Variants in GNE observed in about 807,000 individuals in gnomAD.
GNE encodes the protein bifunctional UDP-N-acetylglucosamine 2-epimerase/N-acetylmannosamine kinase.
In GNE, 41 loss-of-function variants were observed where a neutral mutation model predicts 61.8. That is an observed-to-expected ratio of 0.66 (90% confidence interval 0.52 to 0.86). The LOEUF (loss-of-function observed/expected upper bound fraction) is 0.86. Ranked by LOEUF, GNE falls within the 40% of genes least tolerant of loss-of-function variation. GNE has a pLI of 0.00. For synonymous variants in GNE, 264 were observed against 326.4 expected (o/e 0.81, Z 2.06); for missense variants, 608 against 909.1 (o/e 0.67, Z 4.26).
intron 2 of GNE, among the ~76,000 whole-genome samples, chr9:36,248,712 C>T (rs918162173): frequency 1.7e-4 from 26 of 152,172 alleles, no homozygotes; most frequent in Admixed American, 3.3e-4. Flanking sequence ...ATGTAACTCT[C>T]TACTTTACCT....
At chr9:36,253,117 G>A (rs1365247156) in intron 1 of GNE, among the ~76,000 whole-genome samples, 4 of 151,936 alleles carry the variant, frequency 2.6e-5, no homozygotes, top group African/African-American at 4.8e-5. Flanking sequence ...AGCCAAGATG[G>A]TGCCACTGCA....
intron 4 of GNE, among the ~76,000 whole-genome samples, chr9:36,235,001 G>A (rs1829332661): frequency 6.6e-6 from 1 of 152,070 alleles, no homozygotes; most frequent in African/African-American, 2.4e-5. Context: ...TCCCTTATTC[G>A]ACATGGTTGG....
chr9:36,233,273 G>A (rs1829250988), intron 5 of GNE, among the ~76,000 whole-genome samples: 1 of 152,154 alleles, frequency 6.6e-6, no homozygotes, highest in Non-Finnish European at 1.5e-5. Flanking sequence ...TGACTGAAGG[G>A]ATTCTACATT....
rs145566047 is a variant in GNE, at chr9:36,255,929, T to G, written c.-43+2392A>C. On this transcript the variant is annotated intron_variant, in intron 1 of 11. Transcript: ENST00000642385. The stretch of plus-strand genomic sequence containing the variant: ...AATCGCTGAAAAACCCAATTCTTGT[T>G]TGTTTTTGTTTTTGAGACAGGGTCT... 4.1e-4 allele frequency among the ~76,000 whole-genome samples: 62 copies of G among 152,262 alleles called. 1 individual carries two copies. Among genetic ancestry groups the G allele is most frequent in the African/African-American group, 1.5e-3 (62 of 41,548 alleles).
chr9:36,227,730 A>T (rs187118570), intron 6 of GNE, among the ~76,000 whole-genome samples: 124 of 152,236 alleles, frequency 8.1e-4, no homozygotes, highest in African/African-American at 2.9e-3. Flanking sequence ...GTAATTTTAA[A>T]AATCATGTTT....
In GNE at chr9:36,246,338, C is replaced by T. The variant is rs1376412978; in HGVS notation, c.309G>A (p.Lys103=). The T allele has an allele frequency of 1.9e-6, 3 of 1,614,152 alleles. No individual in the cohort carries two copies. Residue 103 remains lysine (K), a synonymous_variant, in exon 3 of 12, where the codon AAG becomes AAA. Coordinates refer to ENST00000642385, the MANE Select transcript of GNE (RefSeq NM_005476.7). ...VKLPDVLNRL[K]PDIMIVHGDR... is the part of the protein sequence containing the mutation. ...CTCCATGAACAATCATGATATCAGG[C>T]TTCAGGCGATTAAGGACATCTGGCA...
intron 8 of GNE, 48 bp from the exon 9 acceptor site, chr9:36,223,046 A>C: frequency 7.8e-5 from 118 of 1,511,720 alleles, no homozygotes; most frequent in Non-Finnish European, 9.9e-5. Flanking sequence ...GAGCAATCTC[A>C]GGAAAGTATG....
At position 36,276,838 on chromosome 9, in the gene GNE, T is replaced by A. The variant is rs1831279001; in HGVS notation, c.51+56A>T. ...CTTTGTAATTTTCCTTTTTCCCCCC[T>A]TTTTTTCTGATTGCAATTTCAATAA... On this transcript the variant is annotated intron_variant, in intron 1 of 11. Transcript: ENST00000396594. 3.7e-6 allele frequency: 5 copies of A among 1,349,362 alleles called. No homozygotes were observed. The East Asian group carries it at 1.2e-4, about 32-fold the overall frequency. The allele number at this position is 1,349,362 out of a possible 1,614,324, so 83.6% of individuals were successfully genotyped here.
chr9:36,222,435 AC>A (rs747102341), intron 9 of GNE, among the ~76,000 whole-genome samples: 6 of 150,342 alleles, frequency 4.0e-5, no homozygotes, highest in Admixed American at 6.6e-5. Context: ...AAAAAAAAAA[AC>A]ATTTCAAGGT....
At chr9:36,246,519 T>C (rs750437999) in intron 2 of GNE, 37 bp from the exon 3 acceptor site, 1 of 1,474,462 alleles carries the variant, frequency 6.8e-7, no homozygotes, top group East Asian at 2.3e-5. Context: ...AAGAACATGT[T>C]CTTAAACACA....
intron 3 of GNE, among the ~76,000 whole-genome samples, chr9:36,243,206 G>A (rs1194920464): frequency 1.3e-5 from 2 of 151,942 alleles, no homozygotes; most frequent in Non-Finnish European, 2.9e-5. Context: ...CATCACACCC[G>A]GCTGATTTTT....
rs1435196589 is a variant in GNE, at chr9:36,218,147, C to G, written c.1933+36G>C. The G allele has an allele frequency of 2.1e-6, 3 of 1,408,890 alleles. No individual in the cohort carries two copies. The highest frequency in any genetic ancestry group is 3.0e-6 in the Non-Finnish European group (3 of 992,622). The allele number at this position is 1,408,890 out of a possible 1,614,324, so 87.3% of individuals were successfully genotyped here. On this transcript the variant is annotated intron_variant, in intron 11 of 11. Transcript: ENST00000642385. This position sits in a 1 kb window ranked among gnomAD's most constrained non-coding sequence, Gnocchi z 4.1. ...TGGGCCATATGATATCTGAGGCCAC[C>G]CCCTGCAGCACAGCCACCTGCAGCC...
At chr9:36,227,218 A>T in intron 7 of GNE, 30 bp downstream of exon 7, 1 of 1,421,448 alleles carries the variant, frequency 7.0e-7, no homozygotes, top group South Asian at 1.1e-5. Context: ...CATATGGGAT[A>T]TAAAGTTAGG....
chr9:36,239,751 G>A (rs556262298), intron 3 of GNE, among the ~76,000 whole-genome samples: 1 of 152,168 alleles, frequency 6.6e-6, no homozygotes, highest in Admixed American at 6.5e-5. Context: ...GGGATTACAG[G>A]TGTGAGCCAC....
At chr9:36,223,114 G>A (rs1828683853) in intron 8 of GNE, 116 bp from the exon 9 acceptor site, 4 of 1,005,716 alleles carry the variant, frequency 4.0e-6, no homozygotes, top group Middle Eastern at 3.0e-4. Flanking sequence ...TAAGACAAAC[G>A]TTACCAAGGA....
chr9:36,220,085 C>T (rs1009223371), intron 9 of GNE, 65 bp from the exon 10 acceptor site: 60 of 1,289,680 alleles, frequency 4.7e-5, no homozygotes, highest in African/African-American at 1.3e-4. Context: ...GATATCACAA[C>T]GCCTCATCTA....
At chr9:36,258,212 G>C in intron 1 of GNE, 109 bp downstream of exon 1, 2 of 532,754 alleles carry the variant, frequency 3.8e-6, no homozygotes, top group Non-Finnish European at 4.8e-6. Flanking sequence ...GGCGCGGTGG[G>C]GTGGAAAGCG....
At position 36,218,091 on chromosome 9, in the gene GNE, TAGGGAAGC is replaced by T; in HGVS notation, c.1933+84_1933+91del. The T allele has an allele frequency of 1.2e-6, 1 of 855,552 alleles. No individual in the cohort carries two copies. The highest frequency in any genetic ancestry group is 1.3e-5 in the South Asian group (1 of 75,530). 53.0% of individuals were successfully genotyped at this position (855,552 alleles called of 1,614,324 possible). On this transcript the variant is annotated intron_variant, in intron 11 of 11. Coordinates refer to ENST00000642385, the MANE Select transcript of GNE (RefSeq NM_005476.7). The surrounding 1 kb of genome is among the most constrained non-coding windows in gnomAD (Gnocchi z 4.1). ...ACAGACACTGCAAAGCACCTGTCCC[TAGGGAAGC>T]AGGGTCTCTTCTGGGGCCGGGCTGG... is the stretch of plus-strand genomic sequence containing the variant.
intron 1 of GNE, among the ~76,000 whole-genome samples, chr9:36,275,686 C>A (rs914387039): frequency 6.6e-6 from 1 of 151,880 alleles, no homozygotes; most frequent in Non-Finnish European, 1.5e-5. Flanking sequence ...ATTGATGACA[C>A]GAGGAAAAAA....
Sources: gnomAD v4.1 joint callset for allele counts (sites outside exome capture counted in the v4.1 genomes callset) on GRCh38, gnomAD v4.1.1 for gene constraint, Gnocchi (gnomAD v3.1) non-coding constraint, MANE v1.5 for transcripts, NCBI Gene and HGNC (gene_info 2026-07-23, HGNC 2026-07-21) for gene names.